CGNL1: variants seen among roughly 807,000 people sequenced by gnomAD.
CGNL1 encodes cingulin like 1.
CGNL1 carries 132 observed loss-of-function variants against 141.2 expected under a neutral mutation model. The ratio of observed to expected loss-of-function variants is 0.93; its 90% CI spans 0.81 to 1.08. CGNL1 has a LOEUF of 1.08. Among genes scored for constraint, CGNL1 ranks in the 50% least tolerant of loss-of-function variants. The probability of loss-of-function intolerance (pLI) is 0.00; values close to 1 mark genes in which losing one functional copy is unlikely to be tolerated. For synonymous variants in CGNL1, 690 were observed against 622.1 expected, an observed-to-expected ratio of 1.11 and a Z score of -1.63; for missense variants, 1,870 against 1,588.6, an observed-to-expected ratio of 1.18 and a Z score of -3.01.
At chr15:57,518,914 C>T (rs1393135077) in intron 10 of CGNL1, among the ~76,000 whole-genome samples, 4 of 152,202 alleles carry the variant, frequency 2.6e-5, no homozygotes. Context: ...TGTGAGAAGG[C>T]CGGCAGGACT....
intron 8 of CGNL1, among the ~76,000 whole-genome samples, chr15:57,492,768 T>C (rs2063884700): frequency 6.6e-6 from 1 of 152,230 alleles, no homozygotes; most frequent in South Asian, 2.1e-4. Flanking sequence ...CTGGAAGTTA[T>C]ACCCAAGTTT....
chr15:57,489,511 C>G (rs979925738), intron 8 of CGNL1, among the ~76,000 whole-genome samples: 1 of 152,088 alleles, frequency 6.6e-6, no homozygotes. Context: ...CAGATTTAAG[C>G]TTTACTCTTT....
chr15:57,429,376 C>T (rs2152293965), intron 1 of CGNL1, among the ~76,000 whole-genome samples: 1 of 152,252 alleles, frequency 6.6e-6, no homozygotes, highest in South Asian at 2.1e-4. Context: ...ACTAACCAAC[C>T]AATTGGTAGT....
At chr15:57,490,163 G>A (rs751498633) in intron 8 of CGNL1, among the ~76,000 whole-genome samples, 3 of 152,132 alleles carry the variant, frequency 2.0e-5, no homozygotes, top group Admixed American at 1.3e-4. Flanking sequence ...AATTCTCATA[G>A]TGGCTGTGTT....
At chr15:57,446,579 TC>T (rs1264595932) in intron 4 of CGNL1, among the ~76,000 whole-genome samples, 8 of 152,208 alleles carry the variant, frequency 5.3e-5, no homozygotes, top group African/African-American at 1.9e-4. Flanking sequence ...AATGTAGTTT[TC>T]TGTTGTAATC....
chr15:57,425,480 G>T (rs536587936), intron 1 of CGNL1, among the ~76,000 whole-genome samples: 1 of 152,190 alleles, frequency 6.6e-6, no homozygotes, highest in African/African-American at 2.4e-5. Flanking sequence ...ACTGGCTCAC[G>T]CCTTGTAATC....
chr15:57,403,403 A>G (rs1389717473), intron 1 of CGNL1, among the ~76,000 whole-genome samples: 1 of 152,240 alleles, frequency 6.6e-6, no homozygotes, highest in Non-Finnish European at 1.5e-5. Context: ...ACCTCCATGC[A>G]AAGAAACACG....
At chr15:57,478,150 ACCG>A (rs2063680116) in intron 8 of CGNL1, 1 of 152,174 alleles carries the variant, frequency 6.6e-6, no homozygotes, top group African/African-American at 2.4e-5. Flanking sequence ...AGCAGCCAGG[ACCG>A]TGGGCTCATG....
intron 1 of CGNL1, among the ~76,000 whole-genome samples, chr15:57,401,006 A>G (rs1263395211): frequency 6.6e-6 from 1 of 151,648 alleles, no homozygotes; most frequent in Non-Finnish European, 1.5e-5. Flanking sequence ...CTACGCTTTA[A>G]GGATTTGATA....
chr15:57,533,075 C>T (rs1192670352), intron 14 of CGNL1, among the ~76,000 whole-genome samples: 1 of 152,134 alleles, frequency 6.6e-6, no homozygotes, highest in East Asian at 1.9e-4. Context: ...TCCCTGGCTG[C>T]TTTTCCGTAT....
chr15:57,480,255 C>T (rs752590854), intron 8 of CGNL1, among the ~76,000 whole-genome samples: 18 of 152,106 alleles, frequency 1.2e-4, no homozygotes, highest in African/African-American at 3.9e-4. Context: ...CAGGAGCTCA[C>T]GCCTGTAATC....
intron 1 of CGNL1, among the ~76,000 whole-genome samples, chr15:57,423,290 G>T (rs1308955682): frequency 6.6e-6 from 1 of 152,074 alleles, no homozygotes; most frequent in Non-Finnish European, 1.5e-5. Context: ...AGAAATATTT[G>T]AGCATAAATA....
intron 3 of CGNL1, among the ~76,000 whole-genome samples, chr15:57,440,751 TAGG>T (rs2063176490): frequency 6.6e-6 from 1 of 152,184 alleles, no homozygotes; most frequent in Non-Finnish European, 1.5e-5. Flanking sequence ...AATTCAAAGA[TAGG>T]AGGAGTTTCT....
In CGNL1 at chr15:57,550,555, A is replaced by T. The variant is rs560315730; in HGVS notation, c.*3065A>T. On this transcript the variant is annotated 3_prime_UTR_variant, in exon 19 of 19. Coordinates refer to ENST00000281282, the MANE Select transcript of CGNL1 (RefSeq NM_032866.5). ...TTTTCCTGCTTCTGAGTGTCGTTCT[A>T]CAATGCCCGTTGACTTATTCCATTG... 2.0e-5 allele frequency: 3 copies of T among 152,778 alleles called. No individual in the cohort carries two copies. The highest frequency in any genetic ancestry group is 1.3e-4 in the Admixed American group (2 of 15,296). The allele number at this position is 152,778 out of a possible 1,614,324, so 9.5% of individuals were successfully genotyped here.
At chr15:57,494,363 T>A (rs1244058504) in intron 8 of CGNL1, among the ~76,000 whole-genome samples, 3 of 152,120 alleles carry the variant, frequency 2.0e-5, no homozygotes, top group Non-Finnish European at 4.4e-5. Context: ...CTTCTACATG[T>A]CTCTAGGACC....
At chr15:57,544,859 T>C (rs1227534998) in intron 16 of CGNL1, among the ~76,000 whole-genome samples, 3 of 152,334 alleles carry the variant, frequency 2.0e-5, no homozygotes, top group Middle Eastern at 6.8e-3. Context: ...CAGTCTATGG[T>C]GGTGCCACTG....
intron 1 of CGNL1, among the ~76,000 whole-genome samples, chr15:57,378,265 C>T (rs1211334896): frequency 6.6e-6 from 1 of 151,004 alleles, no homozygotes; most frequent in African/African-American, 2.4e-5. Context: ...ACTTTTGTAC[C>T]CCAAATATGA....
chr15:57,538,942 A>G (rs2032416113), intron 14 of CGNL1, among the ~76,000 whole-genome samples: 1 of 152,180 alleles, frequency 6.6e-6, no homozygotes, highest in African/African-American at 2.4e-5. Context: ...GGAATCCCAA[A>G]GCTGCTTCCA....
At position 57,549,782 on chromosome 15, in the gene CGNL1, G is replaced by C. The variant is rs2033032237; in HGVS notation, c.*2292G>C. 6.6e-6 allele frequency: 1 copy of C among 152,160 alleles called. No individual in the cohort carries two copies. Among genetic ancestry groups the C allele is most frequent in the Non-Finnish European group, 1.5e-5 (1 of 68,040 alleles). The allele number at this position is 152,160 out of a possible 1,614,324, so 9.4% of individuals were successfully genotyped here. A position where few individuals can be genotyped will look rare whatever the true frequency, so the allele number is the denominator to read the frequency against. ...TGAGCACCTCTGTACTCAGCCCTCT[G>C]TCTGTCCTTCTGAGGACGCAACAAG... is the stretch of plus-strand genomic sequence containing the variant. On this transcript the variant is annotated 3_prime_UTR_variant, in exon 19 of 19. Coordinates refer to ENST00000281282, the MANE Select transcript of CGNL1 (RefSeq NM_032866.5).
Sources: allele counts gnomAD v4.1 joint callset (sites outside exome capture counted in the v4.1 genomes callset), GRCh38; gene constraint gnomAD v4.1.1; transcripts MANE v1.5; gene names NCBI Gene and HGNC (gene_info 2026-07-23, HGNC 2026-07-21).